The following ADCY2 variants were observed in gnomAD, a reference collection of about 807,000 sequenced individuals.
ADCY2 encodes the protein adenylate cyclase type 2.
ADCY2 carries 31 observed loss-of-function variants against 125.2 expected under a neutral mutation model. The observed-to-expected ratio is 0.25, with a 90% CI of 0.19 to 0.33. The LOEUF (loss-of-function observed/expected upper bound fraction) is 0.33, where lower values mean the gene tolerates loss of function less well. Ranked by LOEUF, ADCY2 falls within the 10% of genes least tolerant of loss-of-function variation. ADCY2 has a pLI of 1.00. For synonymous variants in ADCY2, 512 were observed against 548.4 expected (o/e 0.93, Z 0.93); for missense variants, 904 against 1,418.2 (o/e 0.64, Z 5.82).
chr5:7,578,143 T>G (rs1457134479), intron 3 of ADCY2, among the ~76,000 whole-genome samples: 1 of 152,188 alleles, frequency 6.6e-6, no homozygotes, highest in Non-Finnish European at 1.5e-5. Flanking sequence ...CTTGCAAAAT[T>G]TATATGAACA....
At chr5:7,480,956 T>C (rs1742707040) in intron 2 of ADCY2, among the ~76,000 whole-genome samples, 5 of 152,216 alleles carry the variant, frequency 3.3e-5, no homozygotes. Context: ...GGAATGCAGA[T>C]ATCTCTTTGG....
chr5:7,587,350 A>G (rs562548204), intron 3 of ADCY2, among the ~76,000 whole-genome samples: 1 of 152,232 alleles, frequency 6.6e-6, no homozygotes, highest in East Asian at 1.9e-4. Flanking sequence ...AGTTTGATCT[A>G]TTTATGTGGC....
chr5:7,518,091 A>G (rs1231466949), intron 2 of ADCY2, among the ~76,000 whole-genome samples: 1 of 152,212 alleles, frequency 6.6e-6, no homozygotes, highest in Non-Finnish European at 1.5e-5. Flanking sequence ...CATTTGCTCA[A>G]TAAGCTATAA....
chr5:7,634,291 A>G (rs1738420749), intron 4 of ADCY2, among the ~76,000 whole-genome samples: 1 of 152,232 alleles, frequency 6.6e-6, no homozygotes, highest in African/African-American at 2.4e-5. Context: ...TATCTGTAAC[A>G]AATTGAAGGT....
intron 11 of ADCY2, among the ~76,000 whole-genome samples, chr5:7,715,804 G>C (rs1741576231): frequency 6.6e-6 from 1 of 152,106 alleles, no homozygotes; most frequent in Admixed American, 6.5e-5. Context: ...AATTCTGTGA[G>C]ATTTAATTAC....
At chr5:7,692,575 G>A (rs754992843) in intron 5 of ADCY2, among the ~76,000 whole-genome samples, 24 of 152,318 alleles carry the variant, frequency 1.6e-4, no homozygotes, top group Non-Finnish European at 2.6e-4. Flanking sequence ...TTATCTAAGT[G>A]TATTATGCTA....
intron 2 of ADCY2, among the ~76,000 whole-genome samples, chr5:7,504,017 C>CA (rs1023058507): frequency 4.6e-5 from 7 of 152,140 alleles, no homozygotes; most frequent in African/African-American, 1.7e-4. Context: ...AGGCATGTTT[C>CA]ACTGAGGTTT....
rs1324319075 is a variant in ADCY2, at chr5:7,499,677, ATATATGTATATATATGTG to A, written c.409-21055_409-21038del. Among the ~76,000 whole-genome samples the A allele has an allele frequency of 1.5e-3, 197 of 130,956 alleles. 2 individuals carry two copies. Among genetic ancestry groups the A allele is most frequent in the African/African-American group, 5.2e-3 (188 of 35,842 alleles). The allele number at this position is 130,956 out of a possible 152,430, so 85.9% of individuals were successfully genotyped here. A position where few individuals can be genotyped will look rare whatever the true frequency, so the allele number is the denominator to read the frequency against. Reference sequence around the variant, plus strand: ...TATATATATATATATATATATATATATATATGTATATATATGTGTATATATATGTATATATATGTATAT... The same window carrying A: ...TATATATATATATATATATATATATATATATATATGTATATATATGTATAT... On this transcript the variant is annotated intron_variant, in intron 2 of 24. Coordinates refer to ENST00000338316, the MANE Select transcript of ADCY2 (RefSeq NM_020546.3).
At chr5:7,597,835 C>A (rs1441823003) in intron 3 of ADCY2, among the ~76,000 whole-genome samples, 1 of 152,108 alleles carries the variant, frequency 6.6e-6, no homozygotes, top group African/African-American at 2.4e-5. Context: ...GACATTCATT[C>A]ATTCGTTCTC....
At chr5:7,641,830 T>C (rs1015712014) in intron 4 of ADCY2, among the ~76,000 whole-genome samples, 1 of 149,352 alleles carries the variant, frequency 6.7e-6, no homozygotes, top group Non-Finnish European at 1.5e-5. Context: ...TCTAGCTGCA[T>C]CCATGGTGCT....
At chr5:7,814,622 C>T (rs547933470) in intron 22 of ADCY2, among the ~76,000 whole-genome samples, 4 of 152,268 alleles carry the variant, frequency 2.6e-5, no homozygotes, top group African/African-American at 9.6e-5. Flanking sequence ...ATTTTCCTCT[C>T]CCCTTTAGCT....
intron 15 of ADCY2, 139 bp from the exon 16 acceptor site, chr5:7,757,310 C>T: frequency 9.1e-7 from 1 of 1,097,734 alleles, no homozygotes; most frequent in East Asian, 2.4e-5. Flanking sequence ...TCGTATGGGT[C>T]CCCAGGGGAG....
At chr5:7,657,388 G>T (rs1006639765) in intron 4 of ADCY2, among the ~76,000 whole-genome samples, 9 of 151,550 alleles carry the variant, frequency 5.9e-5, no homozygotes, top group African/African-American at 2.2e-4. Flanking sequence ...TTAGGGCAAT[G>T]TGTAGATTAG....
intron 3 of ADCY2, among the ~76,000 whole-genome samples, chr5:7,555,527 A>G (rs747431084): frequency 1.4e-4 from 22 of 152,304 alleles, no homozygotes; most frequent in Non-Finnish European, 2.6e-4. Flanking sequence ...AACTGTTTGT[A>G]TGTTACAGAT....
chr5:7,455,743 ATG>A (rs1385008137), intron 2 of ADCY2, among the ~76,000 whole-genome samples: 2 of 147,218 alleles, frequency 1.4e-5, no homozygotes, highest in East Asian at 2.0e-4. Flanking sequence ...GATATACAGT[ATG>A]TGTTATATAA....
chr5:7,652,617 T>C (rs1739137721), intron 4 of ADCY2, among the ~76,000 whole-genome samples: 1 of 152,248 alleles, frequency 6.6e-6, no homozygotes, highest in Non-Finnish European at 1.5e-5. Context: ...GTCTATAGAA[T>C]TCCTTTTGTC....
chr5:7,504,843 A>T (rs975471691), intron 2 of ADCY2, among the ~76,000 whole-genome samples: 1 of 151,256 alleles, frequency 6.6e-6, no homozygotes, highest in African/African-American at 2.4e-5. Context: ...ATTATTTTTT[A>T]AAGTATACTA....
intron 4 of ADCY2, among the ~76,000 whole-genome samples, chr5:7,627,076 C>T (rs1541821): frequency 0.54 from 82,181 of 151,848 alleles, 22,992 homozygotes; most frequent in South Asian, 0.74. Flanking sequence ...AGCAGAAGTA[C>T]GAGCCTCCCC....
At chr5:7,567,016 G>A (rs994432008) in intron 3 of ADCY2, among the ~76,000 whole-genome samples, 6 of 152,124 alleles carry the variant, frequency 3.9e-5, no homozygotes, top group Non-Finnish European at 5.9e-5. Flanking sequence ...TCACTTAATA[G>A]ATACCTACAT....
Sources: allele counts gnomAD v4.1 joint callset (sites outside exome capture counted in the v4.1 genomes callset), GRCh38; gene constraint gnomAD v4.1.1; transcripts MANE v1.5; gene names NCBI Gene and HGNC (gene_info 2026-07-23, HGNC 2026-07-21).